PDZK1: variants seen among roughly 807,000 people sequenced by gnomAD.
PDZK1 encodes Na(+)/H(+) exchange regulatory cofactor NHE-RF3.
A neutral mutation model predicts 38.1 loss-of-function variants in PDZK1; 23 were observed. The ratio of observed to expected loss-of-function variants is 0.60; its 90% CI spans 0.43 to 0.85. PDZK1 has a LOEUF of 0.85. Ranked by LOEUF, PDZK1 falls within the 40% of genes least tolerant of loss-of-function variation. The pLI is 0.00. For synonymous variants in PDZK1, 98 were observed against 186.2 expected, an observed-to-expected ratio of 0.53 and a Z score of 3.86; for missense variants, 297 against 504.3, an observed-to-expected ratio of 0.59 and a Z score of 3.94.
At chr1:145,692,789 CT>C (rs1207273902) in intron 1 of PDZK1, among the ~76,000 whole-genome samples, 1 of 151,746 alleles carries the variant, frequency 6.6e-6, no homozygotes, top group East Asian at 1.9e-4. Flanking sequence ...AATTCCAGCA[CT>C]TTGGGAGGCC....
rs879958878 is a variant in PDZK1 at position 145,671,263 on chromosome 1, G to A, written c.*173C>T. On this transcript the variant is annotated 3_prime_UTR_variant, in exon 9 of 9. Coordinates refer to ENST00000417171, the MANE Select transcript of PDZK1 (RefSeq NM_001201325.2). The stretch of plus-strand genomic sequence containing the variant: ...CATAAATTAGCCGTCTGCAATAGCC[G>A]CCTGTAAGACAAATGATAACAGAAG... 1.1e-5 allele frequency: 13 copies of A among 1,184,196 alleles called. No individual in the cohort carries two copies. Among genetic ancestry groups the A allele is most frequent in the Admixed American group, 6.2e-5 (2 of 32,092 alleles). The allele number at this position is 1,184,196 out of a possible 1,614,324, so 73.4% of individuals were successfully genotyped here.
intron 1 of PDZK1, among the ~76,000 whole-genome samples, chr1:145,703,089 T>G (rs1395028800): frequency 6.6e-6 from 1 of 152,188 alleles, no homozygotes; most frequent in Non-Finnish European, 1.5e-5. Context: ...GTGAACGAAT[T>G]TAAGACCTAC....
chr1:145,705,732 C>T (rs888661271), intron 1 of PDZK1, among the ~76,000 whole-genome samples: 5 of 152,090 alleles, frequency 3.3e-5, no homozygotes, highest in Non-Finnish European at 5.9e-5. Flanking sequence ...AGGCATCTTA[C>T]ATCGTGTTTT....
chr1:145,705,720 C>T (rs1275571838), intron 1 of PDZK1, among the ~76,000 whole-genome samples: 2 of 152,128 alleles, frequency 1.3e-5, no homozygotes, highest in African/African-American at 4.8e-5. Context: ...CATTTGAAAT[C>T]TAGGCATCTT....
At chr1:145,683,214 A>G (rs1654432128) in intron 3 of PDZK1, among the ~76,000 whole-genome samples, 2 of 152,248 alleles carry the variant, frequency 1.3e-5, no homozygotes, top group African/African-American at 4.8e-5. Flanking sequence ...AATCACAGTT[A>G]TAGGTCCTGG....
chr1:145,674,247 A>G (rs1450093871), intron 6 of PDZK1: 50 of 985,232 alleles, frequency 5.1e-5, no homozygotes, highest in Non-Finnish European at 5.8e-5. Context: ...GGGAAATGAC[A>G]TATCTGACCG....
chr1:145,702,859 C>A (rs1553705190), intron 1 of PDZK1, among the ~76,000 whole-genome samples: 1 of 152,146 alleles, frequency 6.6e-6, no homozygotes. Context: ...TGCCACTGCA[C>A]CCCAGCCTGG....
Position 145,687,978 on chromosome 1 carries a change from T to G in PDZK1, c.44A>C (p.Gln15Pro). 1 of 1,612,822 alleles carries G rather than the reference T, an allele frequency of 6.2e-7. No individual in the cohort carries two copies. ...GAAGAAGCCATAGTTTTGCCCTTCT[T>G]GCTTGGACAGTTTACATTCTCGGGG... ...FNPRECKLSK[Q>P]EGQNYGFFLR... Residue 15 changes from glutamine to proline, a missense_variant, in exon 2 of 9, where the codon CAA (glutamine) becomes CCA (proline). Physicochemically the swap from Gln to Pro is moderately conservative, Grantham distance 76. Coordinates refer to ENST00000417171, the MANE Select transcript of PDZK1 (RefSeq NM_001201325.2).
chr1:145,689,145 G>T (rs1037594857), intron 1 of PDZK1, among the ~76,000 whole-genome samples: 2 of 152,162 alleles, frequency 1.3e-5, no homozygotes, highest in South Asian at 2.1e-4. Flanking sequence ...GTGCAGTGGC[G>T]CAATCGCAGC....
intron 1 of PDZK1, among the ~76,000 whole-genome samples, chr1:145,694,384 C>T (rs11809481): frequency 0.02 from 3,031 of 152,284 alleles, 101 homozygotes; most frequent in African/African-American, 0.07. Flanking sequence ...CATGCTGGGG[C>T]AGGTGAAATC....
intron 1 of PDZK1, among the ~76,000 whole-genome samples, chr1:145,703,990 G>A (rs191766360): frequency 2.9e-3 from 448 of 152,128 alleles, no homozygotes; most frequent in African/African-American, 0.01. Flanking sequence ...CACCACACCC[G>A]GCTACTTTTT....
At chr1:145,681,368 T>C (rs1479370819) in intron 4 of PDZK1, among the ~76,000 whole-genome samples, 1 of 148,142 alleles carries the variant, frequency 6.8e-6, no homozygotes, top group Non-Finnish European at 1.5e-5. Flanking sequence ...CTGCAAGCTC[T>C]GCCTCCCGGG....
At chr1:145,692,816 C>T (rs146817260) in intron 1 of PDZK1, among the ~76,000 whole-genome samples, 55 of 151,600 alleles carry the variant, frequency 3.6e-4, no homozygotes, top group African/African-American at 1.3e-3. Context: ...AAGCGGATAA[C>T]GAGGTCAGGA....
intron 1 of PDZK1, among the ~76,000 whole-genome samples, chr1:145,692,555 A>G (rs1655301519): frequency 6.6e-6 from 1 of 152,044 alleles, no homozygotes; most frequent in South Asian, 2.1e-4. Flanking sequence ...TACTAAAAAT[A>G]CAAAAATTAG....
chr1:145,694,851 C>A, intron 1 of PDZK1, among the ~76,000 whole-genome samples: 1 of 128,132 alleles, frequency 7.8e-6, no homozygotes, highest in East Asian at 2.5e-4. Flanking sequence ...GTGCTGAGAT[C>A]GCGCCAGTAC....
Position 145,672,821 on chromosome 1 carries a change from G to A in PDZK1, c.1415C>T (p.Ser472Phe), listed in dbSNP as rs782378347. ...GGTGTCAAGTGGATCAGCCAGGGAG[G>A]AAACAATAGGGATTTTCTTAGCTTG... ...YFQAKKIPIVSSLADPLDTPP... is the reference protein window; with the variant it reads ...YFQAKKIPIVFSLADPLDTPP... The change falls in exon 8 of 9, where the codon TCC becomes TTC. Residue 472 changes from serine (S) to phenylalanine (F), a missense_variant. This residue lies in a region of PDZK1 where 54 missense variants were observed against 72.1 expected (regional missense o/e 0.75). Transcript: ENST00000417171. The A allele has an allele frequency of 4.2e-5, 67 of 1,611,570 alleles. 1 individual carries two copies. The African/African-American group carries it at 6.5e-4, about 16-fold the overall frequency.
At chr1:145,696,719 C>T (rs1346529875) in intron 1 of PDZK1, among the ~76,000 whole-genome samples, 5 of 152,220 alleles carry the variant, frequency 3.3e-5, no homozygotes, top group Admixed American at 6.5e-5. Context: ...CTGAGGAATG[C>T]TGCCCACCCA....
intron 1 of PDZK1, among the ~76,000 whole-genome samples, chr1:145,705,922 T>C (rs1656219737): frequency 6.6e-6 from 1 of 152,090 alleles, no homozygotes; most frequent in Non-Finnish European, 1.5e-5. Flanking sequence ...GATTAATTTA[T>C]TATTATTTTT....
intron 3 of PDZK1, among the ~76,000 whole-genome samples, chr1:145,683,562 T>C (rs1388991907): frequency 5.9e-5 from 9 of 152,156 alleles, no homozygotes; most frequent in African/African-American, 1.9e-4. Flanking sequence ...GTGCTACTTA[T>C]AGAAATGCTG....
Sources: allele counts gnomAD v4.1 joint callset (sites outside exome capture counted in the v4.1 genomes callset), GRCh38; gene constraint gnomAD v4.1.1; regional missense constraint gnomAD v4.1.1; transcripts MANE v1.5; gene names NCBI Gene and HGNC (gene_info 2026-07-23, HGNC 2026-07-21).